DACH1: variants seen among roughly 807,000 people sequenced by gnomAD.
DACH1 encodes dachshund homolog 1.
A neutral mutation model predicts 54.2 loss-of-function variants in DACH1; 12 were observed. That is an observed-to-expected ratio of 0.22 (90% CI 0.14 to 0.36). The LOEUF (loss-of-function observed/expected upper bound fraction) is 0.36, where lower values mean the gene tolerates loss of function less well. Ranked by LOEUF, DACH1 falls within the 10% of genes least tolerant of loss-of-function variation. DACH1 has a pLI of 1.00. For synonymous variants in DACH1, 386 were observed against 366.2 expected, an observed-to-expected ratio of 1.05 and a Z score of -0.62; for missense variants, 805 against 929.8, an observed-to-expected ratio of 0.87 and a Z score of 1.75.
chr13:71,715,067 T>G (rs1882904469), intron 1 of DACH1, among the ~76,000 whole-genome samples: 2 of 152,126 alleles, frequency 1.3e-5, no homozygotes, highest in Admixed American at 6.5e-5. Flanking sequence ...ATTATCTCCA[T>G]CTCTCAGATG....
chr13:71,486,677 T>C (rs1422777191), intron 7 of DACH1, among the ~76,000 whole-genome samples: 1 of 152,176 alleles, frequency 6.6e-6, no homozygotes, highest in South Asian at 2.1e-4. Flanking sequence ...TGGGCACATA[T>C]GTACATGCAT....
At chr13:71,476,417 A>G (rs1160562098) in intron 8 of DACH1, among the ~76,000 whole-genome samples, 1 of 152,204 alleles carries the variant, frequency 6.6e-6, no homozygotes, top group African/African-American at 2.4e-5. Flanking sequence ...AATACTTTTA[A>G]TTATTGTTAA....
chr13:71,628,523 T>C (rs1265202708), intron 3 of DACH1, among the ~76,000 whole-genome samples: 1 of 152,028 alleles, frequency 6.6e-6, no homozygotes, highest in Non-Finnish European at 1.5e-5. Context: ...TAAGACTTTC[T>C]AGGAAAATTC....
chr13:71,830,311 C>G lies in DACH1; in HGVS notation c.848+35611G>C, dbSNP rs138955509. On this transcript the variant is annotated intron_variant, in intron 1 of 10. Coordinates refer to ENST00000613252, the MANE Select transcript of DACH1 (RefSeq NM_080759.6). ...AGAAATTGAGTACTATTGTTCTGGT[C>G]ATTTGCAGCTTGAAGTTGCAGTGAC... Among the ~76,000 whole-genome samples, 885 of 151,960 alleles carry G rather than the reference C, an allele frequency of 5.8e-3. 36 individuals carry two copies. The highest frequency in any genetic ancestry group is 1.5e-3 in the Non-Finnish European group (101 of 67,884).
At chr13:71,638,976 T>C (rs1280975942) in intron 2 of DACH1, among the ~76,000 whole-genome samples, 1 of 152,150 alleles carries the variant, frequency 6.6e-6, no homozygotes, top group African/African-American at 2.4e-5. Context: ...TTTCTGCTCC[T>C]GACAGTTCCT....
intron 1 of DACH1, among the ~76,000 whole-genome samples, chr13:71,687,364 AGGAATGCTTAC>A (rs1334242634): frequency 1.3e-5 from 2 of 152,094 alleles, no homozygotes; most frequent in African/African-American, 2.4e-5. Flanking sequence ...GGTAACATAC[AGGAATGCTTAC>A]TTTCTAAGTA....
At chr13:71,492,526 T>C (rs1387508849) in intron 6 of DACH1, among the ~76,000 whole-genome samples, 1 of 152,076 alleles carries the variant, frequency 6.6e-6, no homozygotes. Context: ...TGGAAGGAGC[T>C]CATTTCTGCT....
intron 3 of DACH1, among the ~76,000 whole-genome samples, chr13:71,593,990 C>G (rs1297130334): frequency 6.6e-6 from 1 of 150,914 alleles, no homozygotes; most frequent in Non-Finnish European, 1.5e-5. Flanking sequence ...AATTAAAAAC[C>G]TATATTGACC....
intron 1 of DACH1, among the ~76,000 whole-genome samples, chr13:71,800,669 T>G (rs573820203): frequency 6.6e-6 from 1 of 152,174 alleles, no homozygotes; most frequent in East Asian, 1.9e-4. Context: ...AAATCCTCAT[T>G]TAGCTGAGAC....
intron 3 of DACH1, among the ~76,000 whole-genome samples, chr13:71,584,383 C>T (rs1039999993): frequency 9.2e-5 from 14 of 152,098 alleles, no homozygotes; most frequent in Non-Finnish European, 4.4e-5. Flanking sequence ...GTATACTTTA[C>T]GCTTAGTGTA....
intron 1 of DACH1, among the ~76,000 whole-genome samples, chr13:71,761,013 C>T (rs1261616909): frequency 2.0e-5 from 3 of 151,408 alleles, no homozygotes; most frequent in Non-Finnish European, 4.4e-5. Context: ...CTTGTATGTC[C>T]TTATATCCTC....
chr13:71,782,186 A>C (rs573914941), intron 1 of DACH1, among the ~76,000 whole-genome samples: 1 of 152,294 alleles, frequency 6.6e-6, no homozygotes, highest in South Asian at 2.1e-4. Context: ...GACACTTGTA[A>C]TCCCAGCACT....
intron 1 of DACH1, among the ~76,000 whole-genome samples, chr13:71,696,516 C>A (rs1030228740): frequency 6.6e-6 from 1 of 151,584 alleles, no homozygotes; most frequent in African/African-American, 2.4e-5. Flanking sequence ...ACATCAGAAG[C>A]AAATAGCCAT....
intron 3 of DACH1, among the ~76,000 whole-genome samples, chr13:71,581,516 A>T (rs1379388383): frequency 6.6e-6 from 1 of 152,168 alleles, no homozygotes; most frequent in Non-Finnish European, 1.5e-5. Flanking sequence ...GTCTTCCCAA[A>T]GTGCTGGGAT....
At chr13:71,450,485 T>A (rs1245163695) in intron 10 of DACH1, among the ~76,000 whole-genome samples, 2 of 152,136 alleles carry the variant, frequency 1.3e-5, no homozygotes, top group Non-Finnish European at 2.9e-5. Context: ...CTCCCATTCC[T>A]TGGGGCTCCC....
In DACH1 at chr13:71,741,082, T is replaced by C. The variant is rs150795311; in HGVS notation, c.849-59172A>G. 3.5e-3 allele frequency among the ~76,000 whole-genome samples: 535 copies of C among 152,250 alleles called. 2 individuals are homozygous for C. Among genetic ancestry groups the C allele is most frequent in the African/African-American group, 0.012 (507 of 41,560 alleles). On this transcript the variant is annotated intron_variant, in intron 1 of 10. Transcript: ENST00000613252. The stretch of plus-strand genomic sequence containing the variant: ...CTAAAGAAAAACTAGTAGTAATTGT[T>C]ATAACTCTCCTCTTAACTCTACAAT...
At chr13:71,663,975 A>G (rs571183505) in intron 2 of DACH1, among the ~76,000 whole-genome samples, 58 of 151,936 alleles carry the variant, frequency 3.8e-4, no homozygotes, top group Non-Finnish European at 7.7e-4. Flanking sequence ...CCAGATGTAA[A>G]ATCTTAGTTA....
At chr13:71,697,227 C>T (rs1304055978) in intron 1 of DACH1, among the ~76,000 whole-genome samples, 2 of 151,746 alleles carry the variant, frequency 1.3e-5, no homozygotes, top group Non-Finnish European at 2.9e-5. Flanking sequence ...AGTAGGGACT[C>T]GATAAATATT....
At chr13:71,601,868 T>G (rs1874519041) in intron 3 of DACH1, among the ~76,000 whole-genome samples, 1 of 152,034 alleles carries the variant, frequency 6.6e-6, no homozygotes, top group Non-Finnish European at 1.5e-5. Context: ...AACATTTGAC[T>G]CTTGTACATA....
Sources: gnomAD v4.1 joint callset for allele counts (sites outside exome capture counted in the v4.1 genomes callset) on GRCh38, gnomAD v4.1.1 for gene constraint, MANE v1.5 for transcripts, NCBI Gene and HGNC (gene_info 2026-07-23, HGNC 2026-07-21) for gene names.